The following SLCO6A1 variants were observed in gnomAD, a reference collection of about 807,000 sequenced individuals.
SLCO6A1 encodes the protein cancer/testis antigen 48.
In SLCO6A1, 65 loss-of-function variants were observed where a neutral mutation model predicts 72.7. The ratio of observed to expected loss-of-function variants is 0.89; its 90% CI spans 0.73 to 1.10. The LOEUF (loss-of-function observed/expected upper bound fraction) is 1.10, where lower values mean the gene tolerates loss of function less well. SLCO6A1 is among the 50% of genes least tolerant of loss of function. The pLI is 0.00. For missense variants in SLCO6A1, 874 were observed against 872.6 expected (o/e 1.00, Z -0.02); for synonymous variants, 314 against 298.2 (o/e 1.05, Z -0.55).
intron 11 of SLCO6A1, among the ~76,000 whole-genome samples, chr5:102,389,445 G>GCAC (rs1554065620): frequency 8.5e-5 from 3 of 35,166 alleles, no homozygotes; most frequent in Admixed American, 3.3e-4. Flanking sequence ...CACACACCCC[G>GCAC]CCCCCCACCC....
intron 12 of SLCO6A1, among the ~76,000 whole-genome samples, chr5:102,387,714 G>T (rs1746494121): frequency 1.3e-5 from 2 of 151,962 alleles, no homozygotes. Context: ...TTGAATTACT[G>T]AATCTACTCA....
At chr5:102,423,911 A>G (rs1748746877) in intron 7 of SLCO6A1, among the ~76,000 whole-genome samples, 1 of 152,230 alleles carries the variant, frequency 6.6e-6, no homozygotes, top group African/African-American at 2.4e-5. Context: ...AATGGAAATC[A>G]TAACAAACAG....
At chr5:102,405,803 T>C (rs1378672734) in intron 9 of SLCO6A1, among the ~76,000 whole-genome samples, 1 of 152,022 alleles carries the variant, frequency 6.6e-6, no homozygotes, top group African/African-American at 2.4e-5. Flanking sequence ...TTAAGTACAA[T>C]TTTTTTAAAC....
At chr5:102,411,917 T>G (rs1748006813) in intron 9 of SLCO6A1, among the ~76,000 whole-genome samples, 2 of 152,162 alleles carry the variant, frequency 1.3e-5, no homozygotes, top group Admixed American at 6.5e-5. Context: ...CTGAAGAGGT[T>G]CACTGAGAGT....
At chr5:102,488,088 A>C (rs1376509601) in intron 1 of SLCO6A1, among the ~76,000 whole-genome samples, 1 of 152,212 alleles carries the variant, frequency 6.6e-6, no homozygotes, top group Admixed American at 6.5e-5. Flanking sequence ...GCATATAGTC[A>C]ACCAGTTAAG....
In SLCO6A1 at chr5:102,490,560, C is replaced by T. The variant is rs1209029178; in HGVS notation, c.358+7927G>A. On this transcript the variant is annotated intron_variant, in intron 1 of 13. Coordinates refer to ENST00000506729, the MANE Select transcript of SLCO6A1 (RefSeq NM_173488.5). Reference sequence around the variant, plus strand: ...GTCTCACTGACTACAAGAATGAAACCGCGGACCCTCACGGTGAGTGTTACA... The same window carrying T: ...GTCTCACTGACTACAAGAATGAAACTGCGGACCCTCACGGTGAGTGTTACA... Among the ~76,000 whole-genome samples the T allele has an allele frequency of 6.6e-5, 10 of 152,194 alleles. 1 individual carries two copies. The South Asian group carries it at 1.0e-3, about 16-fold the overall frequency.
At chr5:102,484,701 C>G (rs1389660520) in intron 1 of SLCO6A1, among the ~76,000 whole-genome samples, 1 of 151,854 alleles carries the variant, frequency 6.6e-6, no homozygotes, top group African/African-American at 2.4e-5. Flanking sequence ...ACTTTTATTA[C>G]ATTGGTGAAG....
At chr5:102,494,044 C>T (rs967002582) in intron 1 of SLCO6A1, among the ~76,000 whole-genome samples, 1 of 151,982 alleles carries the variant, frequency 6.6e-6, no homozygotes, top group Non-Finnish European at 1.5e-5. Context: ...TATAATAAAG[C>T]TACAGTAACC....
rs1561429743 is a variant in SLCO6A1, at chr5:102,399,683, A to G, written c.1686T>C (p.Asp562=). ...ATTTCCCGGGTCTGGCATCAATAAAATCACCTTCTGCATCTGCAGTTATTA... is the reference window on the plus strand; with the variant it reads ...ATTTCCCGGGTCTGGCATCAATAAAGTCACCTTCTGCATCTGCAGTTATTA... The part of the protein sequence containing the change: ...EGLITADAEG[D]FIDARPGKCD... Residue 562 remains aspartate, a synonymous_variant, in exon 10 of 14, where the codon GAT becomes GAC. Transcript: ENST00000506729. The G allele has an allele frequency of 6.2e-7, 1 of 1,605,540 alleles. No homozygotes were observed. Among genetic ancestry groups the G allele is most frequent in the South Asian group, 1.1e-5 (1 of 89,618 alleles).
At chr5:102,387,354 T>A (rs1325809644) in intron 12 of SLCO6A1, among the ~76,000 whole-genome samples, 2 of 152,224 alleles carry the variant, frequency 1.3e-5, no homozygotes, top group Non-Finnish European at 2.9e-5. Flanking sequence ...CTCCTTTCAA[T>A]AGCTCCCTAC....
intron 12 of SLCO6A1, among the ~76,000 whole-genome samples, chr5:102,377,796 C>T (rs1448633028): frequency 3.3e-5 from 5 of 151,670 alleles, no homozygotes; most frequent in African/African-American, 7.3e-5. Flanking sequence ...CTCAGCTTCC[C>T]GAGTATCTGG....
chr5:102,376,351 T>C (rs1273588470), intron 12 of SLCO6A1, among the ~76,000 whole-genome samples: 1 of 152,106 alleles, frequency 6.6e-6, no homozygotes, highest in Non-Finnish European at 1.5e-5. Flanking sequence ...TAGATGAACC[T>C]AAAAGAATAT....
chr5:102,420,969 G>A (rs564685600), intron 7 of SLCO6A1, among the ~76,000 whole-genome samples: 31 of 152,208 alleles, frequency 2.0e-4, no homozygotes, highest in Admixed American at 9.2e-4. Context: ...CACGGAGGCC[G>A]AGCAGAAGCA....
chr5:102,422,111 T>C (rs1452310457), intron 7 of SLCO6A1, among the ~76,000 whole-genome samples: 1 of 151,968 alleles, frequency 6.6e-6, no homozygotes, highest in Non-Finnish European at 1.5e-5. Context: ...AAAAACCCCA[T>C]CCAAAGGTCA....
intron 12 of SLCO6A1, among the ~76,000 whole-genome samples, chr5:102,376,911 T>C (rs554856167): frequency 2.0e-5 from 3 of 152,260 alleles, no homozygotes; most frequent in South Asian, 2.1e-4. Flanking sequence ...GCACCTGTAA[T>C]TCCAAAACCT....
At chr5:102,430,077 A>G (rs1749129793) in intron 7 of SLCO6A1, among the ~76,000 whole-genome samples, 1 of 152,122 alleles carries the variant, frequency 6.6e-6, no homozygotes, top group African/African-American at 2.4e-5. Flanking sequence ...TGTGAATAGA[A>G]TTGCATTTCT....
At position 102,388,688 on chromosome 5, in the gene SLCO6A1, A is replaced by G; in HGVS notation, c.2017T>C (p.Cys673Arg). The G allele has an allele frequency of 4.5e-6, 7 of 1,565,258 alleles. No individual in the cohort carries two copies. Among genetic ancestry groups the G allele is most frequent in the Non-Finnish European group, 6.1e-6 (7 of 1,155,778 alleles). Reference protein sequence around the residue: ...TKMAFLLVGICFLCKLCTIIF... With the variant: ...TKMAFLLVGIRFLCKLCTIIF... ...AAGTTTTTTAATAAGTATCACTTAC[A>G]TATTCCTACCAATAAGAAAGCCATT... The change falls in exon 12 of 14, where the codon TGT becomes CGT. Residue 673 changes from cysteine to arginine, a missense_variant and splice_region_variant. Cys to Arg is a radical substitution (Grantham distance 180, BLOSUM62 -3). Transcript: ENST00000506729.
intron 9 of SLCO6A1, among the ~76,000 whole-genome samples, chr5:102,410,785 T>C (rs754644743): frequency 6.6e-6 from 1 of 152,102 alleles, no homozygotes; most frequent in African/African-American, 2.4e-5. Context: ...AGAAATAACA[T>C]ATATTCGAGT....
At chr5:102,393,291 A>C (rs1746871181) in intron 10 of SLCO6A1, among the ~76,000 whole-genome samples, 1 of 152,168 alleles carries the variant, frequency 6.6e-6, no homozygotes, top group African/African-American at 2.4e-5. Flanking sequence ...TAAATCTAGA[A>C]TTGCAAAGAA....
Sources: allele counts gnomAD v4.1 joint callset (sites outside exome capture counted in the v4.1 genomes callset), GRCh38; gene constraint gnomAD v4.1.1; transcripts MANE v1.5; gene names NCBI Gene and HGNC (gene_info 2026-07-23, HGNC 2026-07-21).